GSPT2: variants seen among roughly 807,000 people sequenced by gnomAD.
The protein encoded by GSPT2 is eukaryotic peptide chain release factor GTP-binding subunit ERF3B.
Under a neutral mutation model 24.6 loss-of-function variants are expected in GSPT2, and 2 were observed. That is an observed-to-expected ratio of 0.08 (90% CI 0.03 to 0.26). The LOEUF (loss-of-function observed/expected upper bound fraction) is 0.26. GSPT2 is among the 10% of genes least tolerant of loss of function. The pLI is 1.00. For missense variants in GSPT2, 322 were observed against 489.6 expected (o/e 0.66, Z 3.23); for synonymous variants, 194 against 189.3 (o/e 1.02, Z -0.20).
At position 51,745,494 on chromosome X, in the gene GSPT2, T is replaced by G; in HGVS notation, c.1868T>G (p.Leu623Trp). Residue 623 changes from leucine to tryptophan, a missense_variant, in exon 1 of 1, where the codon TTG becomes TGG. Physicochemically the swap from Leu to Trp is moderately conservative, Grantham distance 61. Around this residue, in one of 4 missense-constraint regions of GSPT2, gnomAD observed 117 missense variants for 204.1 expected, o/e 0.57. Coordinates refer to ENST00000340438, the MANE Select transcript of GSPT2 (RefSeq NM_018094.5). ...ATTGCAATTGGAAAAGTTCTGAAAT[T>G]GGTCCCAGAGAAGGACTAAGCAATT... is the stretch of plus-strand genomic sequence containing the variant. ...KTIAIGKVLK[L>W]VPEKD is the part of the protein sequence containing the mutation. The G allele has an allele frequency of 8.4e-7, 1 of 1,195,266 alleles. No individual in the cohort carries two copies. Among genetic ancestry groups the G allele is most frequent in the Non-Finnish European group, 1.1e-6 (1 of 881,255 alleles).
chrX:51,744,982 C>T lies in GSPT2; in HGVS notation c.1356C>T (p.Ser452=), dbSNP rs1557348951. 1 of 1,209,860 alleles carries T rather than the reference C, an allele frequency of 8.3e-7. No homozygotes were observed. ...MGTVVLGKLE[S]GSIFKGQQLV... is the part of the protein sequence containing the mutation. ...CTGTGGTCCTGGGAAAGCTGGAATC[C>T]GGGTCCATTTTTAAAGGCCAGCAGC... The change falls in exon 1 of 1, where the codon TCC becomes TCT. Residue 452 remains serine (S), a synonymous_variant. Coordinates refer to ENST00000340438, the MANE Select transcript of GSPT2 (RefSeq NM_018094.5).
chrX:51,744,395 G>T lies in GSPT2; in HGVS notation c.769G>T (p.Asp257Tyr). ...AACCTGGTATTTGTCCTGGGCCTTA[G>T]ATACAAATCAGGAGGAACGAGACAA... Reference protein sequence around the residue: ...RETWYLSWALDTNQEERDKGK... With the variant: ...RETWYLSWALYTNQEERDKGK... The change falls in exon 1 of 1, where the codon GAT (aspartate) becomes TAT (tyrosine). Residue 257 changes from aspartate (D) to tyrosine (Y), a missense_variant. Around this residue, in one of 4 missense-constraint regions of GSPT2, gnomAD observed 72 missense variants for 121.5 expected, o/e 0.59. Coordinates refer to ENST00000340438, the MANE Select transcript of GSPT2 (RefSeq NM_018094.5). 1 of 1,211,829 alleles carries T rather than the reference G, an allele frequency of 8.3e-7. No individual in the cohort carries two copies. Among genetic ancestry groups the T allele is most frequent in the Non-Finnish European group, 1.1e-6 (1 of 895,445 alleles).
Position 51,745,679 on chromosome X carries a change from T to G in GSPT2, c.*166T>G. ...GTCAGCTTTCTCATGTTGAGATCTG[T>G]TATGTCACTGATGAATTTACCCTCA... On this transcript the variant is annotated 3_prime_UTR_variant, in exon 1 of 1. Coordinates refer to ENST00000340438, the MANE Select transcript of GSPT2 (RefSeq NM_018094.5). The G allele has an allele frequency of 2.2e-6, 1 of 451,084 alleles. No individual in the cohort carries two copies. The highest frequency in any genetic ancestry group is 3.6e-5 in the South Asian group (1 of 27,429). The allele number at this position is 451,084 out of a possible 1,213,427, so 37.2% of individuals were successfully genotyped here.
rs1602183288 is a variant in GSPT2 at position 51,743,756 on chromosome X, C to T, written c.130C>T (p.Leu44Phe). 1.7e-6 allele frequency: 2 copies of T among 1,210,242 alleles called. No individual in the cohort carries two copies. Among genetic ancestry groups the T allele is most frequent in the African/African-American group, 3.5e-5 (2 of 57,432 alleles). The change falls in exon 1 of 1, where the codon CTC (leucine) becomes TTC (phenylalanine). Residue 44 changes from leucine to phenylalanine, a missense_variant. Physicochemically the swap from Leu to Phe is conservative, Grantham distance 22 (BLOSUM62 0). Around this residue, in one of 4 missense-constraint regions of GSPT2, gnomAD observed 125 missense variants for 121.3 expected, o/e 1.03. Transcript: ENST00000340438. ...SAVAEAQREPLSSAFSRKLNV... is the reference protein window; with the variant it reads ...SAVAEAQREPFSSAFSRKLNV... ...GGTGGCCGAGGCCCAGCGCGAGCCC[C>T]TCAGCTCGGCTTTCAGCCGTAAGCT...
At position 51,744,049 on chromosome X, in the gene GSPT2, G is replaced by A. The variant is rs58066621; in HGVS notation, c.423G>A (p.Glu141=). The change falls in exon 1 of 1, where the codon GAG becomes GAA. Residue 141 remains glutamate, a synonymous_variant. Coordinates refer to ENST00000340438, the MANE Select transcript of GSPT2 (RefSeq NM_018094.5). ...CAGAACCTGTTGTAGAAAATGGAGA[G>A]GTGGAAATGGCCCTAGAAGAATCAT... is the stretch of plus-strand genomic sequence containing the variant. The part of the protein sequence containing the change: ...ELSEPVVENG[E]VEMALEESWE... 2,349 of 1,208,603 alleles carry A rather than the reference G, an allele frequency of 1.9e-3. 33 individuals are homozygous for A. In the African/African-American group the frequency reaches 0.036, roughly 19 times the overall value.
In GSPT2 at chrX:51,745,528, G is replaced by T; in HGVS notation, c.*15G>T. The T allele has an allele frequency of 8.6e-6, 9 of 1,052,443 alleles. No individual in the cohort carries two copies. The highest frequency in any genetic ancestry group is 1.2e-5 in the Non-Finnish European group (9 of 755,431). The allele number at this position is 1,052,443 out of a possible 1,213,427, so 86.7% of individuals were successfully genotyped here. A position where few individuals can be genotyped will look rare whatever the true frequency, so the allele number is the denominator to read the frequency against. On this transcript the variant is annotated 3_prime_UTR_variant, in exon 1 of 1. Transcript: ENST00000340438. ...AGAAGGACTAAGCAATTTTCTTGAT[G>T]CCTCTGCAAGATACTGTGAGGAGAA... is the stretch of plus-strand genomic sequence containing the variant.
chrX:51,745,111 G>A lies in GSPT2; in HGVS notation c.1485G>A (p.Leu495=). ...VAPGENLKIR[L]KGIEEEEILP... ...CAGGTGAAAACCTCAAAATCAGACT[G>A]AAGGGAATTGAAGAAGAAGAGATTC... The change falls in exon 1 of 1, where the codon CTG becomes CTA. Residue 495 remains leucine, a synonymous_variant. Coordinates refer to ENST00000340438, the MANE Select transcript of GSPT2 (RefSeq NM_018094.5). 5.8e-6 allele frequency: 7 copies of A among 1,209,283 alleles called. No homozygotes were observed. The highest frequency in any genetic ancestry group is 7.8e-6 in the Non-Finnish European group (7 of 893,410).
At position 51,746,160 on chromosome X, in the gene GSPT2, G is replaced by A. The variant is rs1386112109; in HGVS notation, c.*647G>A. On this transcript the variant is annotated 3_prime_UTR_variant, in exon 1 of 1. Coordinates refer to ENST00000340438, the MANE Select transcript of GSPT2 (RefSeq NM_018094.5). The stretch of plus-strand genomic sequence containing the variant: ...AAAACGTATGTTAAGGCTCTTCCCA[G>A]TGGGCTTTGTTTTCTCTGTCCAAGT... 2.4e-5 allele frequency: 3 copies of A among 123,828 alleles called. No homozygotes were observed. The highest frequency in any genetic ancestry group is 9.7e-5 in the African/African-American group (3 of 30,937). The allele number at this position is 123,828 out of a possible 1,213,427, so 10.2% of individuals were successfully genotyped here.
rs1557348893 is a variant in GSPT2, at chrX:51,744,385, C to T, written c.759C>T (p.Ser253=). Residue 253 remains serine, a synonymous_variant, in exon 1 of 1, where the codon TCC becomes TCT. Coordinates refer to ENST00000340438, the MANE Select transcript of GSPT2 (RefSeq NM_018094.5). ...AAAACAGAGAAACCTGGTATTTGTCCTGGGCCTTAGATACAAATCAGGAGG... is the reference window on the plus strand; with the variant it reads ...AAAACAGAGAAACCTGGTATTTGTCTTGGGCCTTAGATACAAATCAGGAGG... ...KEKNRETWYL[S]WALDTNQEER... 1.7e-6 allele frequency: 2 copies of T among 1,211,393 alleles called. No individual in the cohort carries two copies. The highest frequency in any genetic ancestry group is 2.2e-5 in the Admixed American group (1 of 46,049).
rs781908505 is a variant in GSPT2, at chrX:51,744,062, C to T, written c.436C>T (p.Leu146=). 5 of 1,209,973 alleles carry T rather than the reference C, an allele frequency of 4.1e-6. No individual in the cohort carries two copies. The highest frequency in any genetic ancestry group is 5.6e-6 in the Non-Finnish European group (5 of 894,543). Residue 146 remains leucine, a synonymous_variant, in exon 1 of 1, where the codon CTA becomes TTA. Transcript: ENST00000340438. ...VVENGEVEMA[L]EESWEHSKEV... Reference sequence around the variant, plus strand: ...AGAAAATGGAGAGGTGGAAATGGCCCTAGAAGAATCATGGGAGCACAGTAA... The same window carrying T: ...AGAAAATGGAGAGGTGGAAATGGCCTTAGAAGAATCATGGGAGCACAGTAA...
Position 51,744,857 on chromosome X carries a change from T to G in GSPT2, c.1231T>G (p.Leu411Val), listed in dbSNP as rs782492592. Reference sequence around the variant, plus strand: ...AGATTTCTGCCCTTGGTACACTGGATTACCATTTATTCCGTATTTGGATAA... The same window carrying G: ...AGATTTCTGCCCTTGGTACACTGGAGTACCATTTATTCCGTATTTGGATAA... ...QSDFCPWYTGLPFIPYLDNLP... is the reference protein window; with the variant it reads ...QSDFCPWYTGVPFIPYLDNLP... The change falls in exon 1 of 1, where the codon TTA becomes GTA. Residue 411 changes from leucine (L) to valine (V), a missense_variant. By Grantham distance (32) the Leu-to-Val change is conservative (BLOSUM62 1). Around this residue, in one of 4 missense-constraint regions of GSPT2, gnomAD observed 117 missense variants for 204.1 expected, o/e 0.57. Coordinates refer to ENST00000340438, the MANE Select transcript of GSPT2 (RefSeq NM_018094.5). 2 of 1,209,275 alleles carry G rather than the reference T, an allele frequency of 1.7e-6. No homozygotes were observed. The highest frequency in any genetic ancestry group is 2.2e-5 in the Admixed American group (1 of 46,018).
Position 51,743,670 on chromosome X carries a change from G to C in GSPT2, c.44G>C (p.Trp15Ser). Residue 15 changes from tryptophan (W) to serine (S), a missense_variant, in exon 1 of 1, where the codon TGG becomes TCG. Physicochemically the swap from Trp to Ser is radical, Grantham distance 177 (BLOSUM62 -3). Around this residue, in one of 4 missense-constraint regions of GSPT2, gnomAD observed 125 missense variants for 121.3 expected, o/e 1.03. Transcript: ENST00000340438. ...AGCAGCGACTCGGCGCCCGATTGCT[G>C]GGACCAGGTGGACATGGAATCCCCG... ...SSSSDSAPDC[W>S]DQVDMESPGS... 1 of 1,203,893 alleles carries C rather than the reference G, an allele frequency of 8.3e-7. No homozygotes were observed. Among genetic ancestry groups the C allele is most frequent in the Admixed American group, 2.2e-5 (1 of 45,078 alleles).
In GSPT2 at chrX:51,745,855, G is replaced by T; in HGVS notation, c.*342G>T. Reference sequence around the variant, plus strand: ...GATATTTAGACCACCCTTGTTCCACGCAAACCAGAGTGTGTCAGTGTTTGT... The same window carrying T: ...GATATTTAGACCACCCTTGTTCCACTCAAACCAGAGTGTGTCAGTGTTTGT... On this transcript the variant is annotated 3_prime_UTR_variant, in exon 1 of 1. Coordinates refer to ENST00000340438, the MANE Select transcript of GSPT2 (RefSeq NM_018094.5). The T allele has an allele frequency of 5.4e-6, 1 of 184,576 alleles. No individual in the cohort carries two copies. The highest frequency in any genetic ancestry group is 1.1e-5 in the Non-Finnish European group (1 of 93,213). The allele number at this position is 184,576 out of a possible 1,213,427, so 15.2% of individuals were successfully genotyped here.
chrX:51,743,813 G>C lies in GSPT2; in HGVS notation c.187G>C (p.Val63Leu). ...CAACGCCAAGCCCTTCGTGCCTAAC[G>C]TACACGCCGCGGAGTTCGTGCCGTC... ...NVNAKPFVPNVHAAEFVPSFL... is the reference protein window; with the variant it reads ...NVNAKPFVPNLHAAEFVPSFL... The change falls in exon 1 of 1, where the codon GTA (valine) becomes CTA (leucine). Residue 63 changes from valine (V) to leucine (L), a missense_variant. Val to Leu is a conservative substitution (Grantham distance 32, BLOSUM62 1). Coordinates refer to ENST00000340438, the MANE Select transcript of GSPT2 (RefSeq NM_018094.5). The C allele has an allele frequency of 8.3e-7, 1 of 1,210,965 alleles. No homozygotes were observed. Among genetic ancestry groups the C allele is most frequent in the Non-Finnish European group, 1.1e-6 (1 of 895,028 alleles).
chrX:51,743,784 A>AC lies in GSPT2; in HGVS notation c.159dup (p.Val54ArgfsTer9). The AC allele has an allele frequency of 8.3e-7, 1 of 1,211,540 alleles. No individual in the cohort carries two copies. The highest frequency in any genetic ancestry group is 1.1e-6 in the Non-Finnish European group (1 of 895,324). On this transcript the variant is annotated frameshift_variant, in exon 1 of 1. Transcript: ENST00000340438. LOFTEE classifies it high-confidence loss of function. ...AGCTCGGCTTTCAGCCGTAAGCTCA[A>AC]CGTCAACGCCAAGCCCTTCGTGCCT...
rs782526658 is a variant in GSPT2, at chrX:51,743,546, T to A, written c.-81T>A. 1.9e-5 allele frequency: 17 copies of A among 914,364 alleles called. No individual in the cohort carries two copies. In the South Asian group the frequency reaches 3.9e-4, roughly 21 times the overall value. The allele number at this position is 914,364 out of a possible 1,213,427, so 75.4% of individuals were successfully genotyped here. A position where few individuals can be genotyped will look rare whatever the true frequency, so the allele number is the denominator to read the frequency against. On this transcript the variant is annotated 5_prime_UTR_variant, in exon 1 of 1. Transcript: ENST00000340438. ...CTACCCCTTGGCCCTTCGCTCTTGC[T>A]GCCTTAACCCCGCCGGCGGAGCCCG...
Position 51,744,824 on chromosome X carries a change from G to A in GSPT2, c.1198G>A (p.Glu400Lys). 1 of 1,208,625 alleles carries A rather than the reference G, an allele frequency of 8.3e-7. No individual in the cohort carries two copies. The highest frequency in any genetic ancestry group is 1.1e-6 in the Non-Finnish European group (1 of 892,665). ...CSGLTGANIK[E>K]QSDFCPWYTG... ...AGGACTGACCGGAGCAAATATTAAA[G>A]AGCAGTCAGATTTCTGCCCTTGGTA... Residue 400 changes from glutamate (E) to lysine (K), a missense_variant, in exon 1 of 1, where the codon GAG becomes AAG. By Grantham distance (56) the Glu-to-Lys change is moderately conservative. Around this residue, in one of 4 missense-constraint regions of GSPT2, gnomAD observed 117 missense variants for 204.1 expected, o/e 0.57. Transcript: ENST00000340438.
In GSPT2 at chrX:51,744,269, G is replaced by T; in HGVS notation, c.643G>T (p.Gly215Cys). The stretch of plus-strand genomic sequence containing the variant: ...AGTATTCATTGGCCATGTAGACGCT[G>T]GCAAGTCAACCATCGGAGGACAGAT... ...NVVFIGHVDAGKSTIGGQIMF... is the reference protein window; with the variant it reads ...NVVFIGHVDACKSTIGGQIMF... Residue 215 changes from glycine to cysteine, a missense_variant, in exon 1 of 1, where the codon GGC (glycine) becomes TGC (cysteine). Physicochemically the swap from Gly to Cys is radical, Grantham distance 159 (BLOSUM62 -3). Transcript: ENST00000340438. 8.3e-7 allele frequency: 1 copy of T among 1,210,926 alleles called. No homozygotes were observed. Among genetic ancestry groups the T allele is most frequent in the Non-Finnish European group, 1.1e-6 (1 of 894,886 alleles).
chrX:51,743,723 T>A lies in GSPT2; in HGVS notation c.97T>A (p.Ser33Thr), dbSNP rs1557348778. 8.3e-7 allele frequency: 1 copy of A among 1,210,165 alleles called. No homozygotes were observed. The highest frequency in any genetic ancestry group is 2.2e-5 in the Admixed American group (1 of 46,073). The change falls in exon 1 of 1, where the codon TCC (serine) becomes ACC (threonine). Residue 33 changes from serine to threonine, a missense_variant. Transcript: ENST00000340438. Reference sequence around the variant, plus strand: ...GTCGGCCCCGAGCGGGGATGGAGTCTCCTCTGCGGTGGCCGAGGCCCAGCG... The same window carrying A: ...GTCGGCCCCGAGCGGGGATGGAGTCACCTCTGCGGTGGCCGAGGCCCAGCG... ...PGSAPSGDGV[S>T]SAVAEAQREP...
Sources: gnomAD v4.1 joint callset for allele counts on GRCh38, gnomAD v4.1.1 for gene constraint, gnomAD v4.1.1 regional missense constraint, MANE v1.5 for transcripts, NCBI Gene and HGNC (gene_info 2026-07-23, HGNC 2026-07-21) for gene names.